PPP4R2: variants seen among roughly 807,000 people sequenced by gnomAD.
PPP4R2 encodes protein phosphatase 4 regulatory subunit 2.
A neutral mutation model predicts 47.2 loss-of-function variants in PPP4R2; 13 were observed. The ratio of observed to expected loss-of-function variants is 0.28; its 90% CI spans 0.18 to 0.44. The LOEUF is 0.44. Among genes scored for constraint, PPP4R2 ranks in the 20% least tolerant of loss-of-function variants. The probability of loss-of-function intolerance (pLI) is 1.00; values close to 1 mark genes in which losing one functional copy is unlikely to be tolerated. For missense variants in PPP4R2, 421 were observed against 491.2 expected (o/e 0.86, Z 1.35); for synonymous variants, 151 against 163.3 (o/e 0.92, Z 0.57).
chr3:73,035,287 C>T, intron 2 of PPP4R2, among the ~76,000 whole-genome samples: 1 of 152,128 alleles, frequency 6.6e-6, no homozygotes, highest in East Asian at 1.9e-4. Flanking sequence ...GTAGTCCCAG[C>T]TACTCGGGAA....
In PPP4R2 at chr3:73,047,339, T is replaced by C. The variant is rs200087084; in HGVS notation, c.270T>C (p.Ile90=). ...AAATGAAGGAAAGAATACTGAAAAT[T>C]GTCACTGGATTTAATGGGTATGCAC... ...FDEMKERILK[I]VTGFNGIPFT... The change falls in exon 3 of 9, where the codon ATT becomes ATC. Residue 90 remains isoleucine, a synonymous_variant. Transcript: ENST00000356692. 6.2e-7 allele frequency: 1 copy of C among 1,609,514 alleles called. No individual in the cohort carries two copies. The highest frequency in any genetic ancestry group is 2.2e-5 in the East Asian group (1 of 44,782).
chr3:73,061,012 T>G lies in PPP4R2; in HGVS notation c.382-11T>G. Reference sequence around the variant, plus strand: ...TTCTTCATACTAAATCACTGATTTTTGTTATTGCAGAATGTGATGGTTGTT... The same window carrying G: ...TTCTTCATACTAAATCACTGATTTTGGTTATTGCAGAATGTGATGGTTGTT... On this transcript the variant is annotated splice_polypyrimidine_tract_variant and intron_variant, in intron 4 of 8. Coordinates refer to ENST00000356692, the MANE Select transcript of PPP4R2 (RefSeq NM_174907.4). The G allele has an allele frequency of 2.6e-6, 4 of 1,550,356 alleles. No individual in the cohort carries two copies. Among genetic ancestry groups the G allele is most frequent in the Non-Finnish European group, 3.5e-6 (4 of 1,144,072 alleles).
At chr3:73,001,727 C>T (rs746276444) in intron 2 of PPP4R2, among the ~76,000 whole-genome samples, 9 of 152,230 alleles carry the variant, frequency 5.9e-5, no homozygotes, top group Non-Finnish European at 1.2e-4. Context: ...CATCCCCCAC[C>T]TCCTGAGTTC....
At position 73,067,480 on chromosome 3, in the gene PPP4R2, A is replaced by G. The variant is rs538029529; in HGVS notation, c.*1758A>G. On this transcript the variant is annotated 3_prime_UTR_variant, in exon 9 of 9. Transcript: ENST00000356692. ...ACAGCTAGATGATATATTTATGACTATGTCTAATAGTTGAAATAAAATCTG... is the reference window on the plus strand; with the variant it reads ...ACAGCTAGATGATATATTTATGACTGTGTCTAATAGTTGAAATAAAATCTG... 13 of 152,282 alleles carry G rather than the reference A, an allele frequency of 8.5e-5. No individual in the cohort carries two copies. The East Asian group carries it at 2.3e-3, about 27-fold the overall frequency. 9.4% of individuals were successfully genotyped at this position (152,282 alleles called of 1,614,324 possible). A position where few individuals can be genotyped will look rare whatever the true frequency, so the allele number is the denominator to read the frequency against.
At chr3:73,048,381 C>A (rs114480962) in intron 3 of PPP4R2, among the ~76,000 whole-genome samples, 1,678 of 152,192 alleles carry the variant, frequency 0.011, 30 homozygotes, top group African/African-American at 0.038. Flanking sequence ...CCCCGGGTAG[C>A]TAGGCTAGGA....
At chr3:73,063,196 C>G in intron 5 of PPP4R2, 1 of 397,500 alleles carries the variant, frequency 2.5e-6, no homozygotes, top group South Asian at 2.9e-5. Flanking sequence ...TGATGTTATA[C>G]CAGGATCAAC....
intron 2 of PPP4R2, among the ~76,000 whole-genome samples, chr3:73,016,670 C>T (rs1195065689): frequency 6.7e-6 from 1 of 149,662 alleles, no homozygotes; most frequent in African/African-American, 2.5e-5. Context: ...TATGAATGTC[C>T]TAGATGTTTT....
intron 2 of PPP4R2, among the ~76,000 whole-genome samples, chr3:73,028,888 G>A (rs1702117936): frequency 6.6e-6 from 1 of 152,194 alleles, no homozygotes; most frequent in Non-Finnish European, 1.5e-5. Flanking sequence ...ATATAATGTA[G>A]GGCAATGTGG....
At chr3:73,046,332 G>A (rs1030977199) in intron 2 of PPP4R2, among the ~76,000 whole-genome samples, 1 of 152,162 alleles carries the variant, frequency 6.6e-6, no homozygotes, top group South Asian at 2.1e-4. Flanking sequence ...ATGGGCTCCC[G>A]TTAATTTGTG....
At position 73,064,033 on chromosome 3, in the gene PPP4R2, G is replaced by C; in HGVS notation, c.525G>C (p.Arg175Ser). 6.8e-6 allele frequency: 11 copies of C among 1,611,518 alleles called. No homozygotes were observed. The highest frequency in any genetic ancestry group is 9.3e-6 in the Non-Finnish European group (11 of 1,179,474). ...RSNINGPGTPRPLNRPKVSLS... is the reference protein window; with the variant it reads ...RSNINGPGTPSPLNRPKVSLS... ...ATATAAATGGGCCTGGGACACCCAG[G>C]CCACTTAATCGACCAAAGGTTTCTT... The change falls in exon 7 of 9, where the codon AGG (arginine) becomes AGC (serine). Residue 175 changes from arginine to serine, a missense_variant. By Grantham distance (110) the Arg-to-Ser change is moderately radical. Coordinates refer to ENST00000356692, the MANE Select transcript of PPP4R2 (RefSeq NM_174907.4).
chr3:73,062,652 A>T (rs1218080251), intron 5 of PPP4R2: 2 of 1,613,962 alleles, frequency 1.2e-6, no homozygotes, highest in Admixed American at 3.3e-5. Context: ...TGACCTTTTG[A>T]TAGGCATTGC....
Position 73,003,787 on chromosome 3 carries a change from C to T in PPP4R2, c.116+5629C>T, listed in dbSNP as rs367852416. Among the ~76,000 whole-genome samples the T allele has an allele frequency of 2.0e-5, 3 of 152,222 alleles. No individual in the cohort carries two copies. In the South Asian group the frequency reaches 6.2e-4, roughly 32 times the overall value. On this transcript the variant is annotated intron_variant, in intron 2 of 8. Coordinates refer to ENST00000356692, the MANE Select transcript of PPP4R2 (RefSeq NM_174907.4). Reference sequence around the variant, plus strand: ...GATCTTGACTCACTACAACCTCCACCTCCTGGGTTCAAGCGATTTTTCTGC... The same window carrying T: ...GATCTTGACTCACTACAACCTCCACTTCCTGGGTTCAAGCGATTTTTCTGC...
At chr3:72,998,708 A>G (rs1011128275) in intron 2 of PPP4R2, among the ~76,000 whole-genome samples, 2 of 152,202 alleles carry the variant, frequency 1.3e-5, no homozygotes, top group Non-Finnish European at 2.9e-5. Flanking sequence ...CTTGTTACAT[A>G]TGCTCAGCAT....
intron 5 of PPP4R2, chr3:73,062,280 A>G (rs938344590): frequency 1.4e-5 from 23 of 1,607,190 alleles, no homozygotes; most frequent in Non-Finnish European, 2.0e-5. Flanking sequence ...CGCAATGGAC[A>G]GGAGTGGGCT....
At chr3:73,050,939 A>T (rs1702599443) in intron 3 of PPP4R2, among the ~76,000 whole-genome samples, 1 of 151,882 alleles carries the variant, frequency 6.6e-6, no homozygotes, top group Admixed American at 6.6e-5. Context: ...CTGGAGACAG[A>T]GTTTCGCTCT....
chr3:73,065,423 A>C lies in PPP4R2; in HGVS notation c.955A>C (p.Ile319Leu), dbSNP rs749228190. 7 of 1,602,788 alleles carry C rather than the reference A, an allele frequency of 4.4e-6. No homozygotes were observed. The South Asian group carries it at 4.5e-5, about 10-fold the overall frequency. ...GTCTTTTATGACATCAAGAGAAATG[A>C]TCCCAGAAAGAAAAAATCAAGAAAA... ...EESFMTSREMIPERKNQEKES... is the reference protein window; with the variant it reads ...EESFMTSREMLPERKNQEKES... The change falls in exon 9 of 9, where the codon ATC (isoleucine) becomes CTC (leucine). Residue 319 changes from isoleucine (I) to leucine (L), a missense_variant. Ile to Leu is a conservative substitution (Grantham distance 5). Coordinates refer to ENST00000356692, the MANE Select transcript of PPP4R2 (RefSeq NM_174907.4).
At chr3:73,000,440 C>G (rs1422596047) in intron 2 of PPP4R2, among the ~76,000 whole-genome samples, 4 of 152,116 alleles carry the variant, frequency 2.6e-5, no homozygotes, top group Admixed American at 1.3e-4. Context: ...AAATCAGTGA[C>G]CCCCCAGGCT....
chr3:73,042,361 C>CTTT lies in PPP4R2; in HGVS notation c.117-4806_117-4804dup, dbSNP rs10709279. On this transcript the variant is annotated intron_variant, in intron 2 of 8. Coordinates refer to ENST00000356692, the MANE Select transcript of PPP4R2 (RefSeq NM_174907.4). ...TGTTTTTTGTGCCTGAATATAATTTCTTTTTTTTTTTTTTTTTTTTTGAGA... is the reference window on the plus strand; with the variant it reads ...TGTTTTTTGTGCCTGAATATAATTTCTTTTTTTTTTTTTTTTTTTTTTTTGAGA... 5.5e-3 allele frequency among the ~76,000 whole-genome samples: 418 copies of CTTT among 75,880 alleles called. 6 individuals carry two copies. The highest frequency in any genetic ancestry group is 0.019 in the African/African-American group (392 of 21,076). The allele number at this position is 75,880 out of a possible 152,430, so 49.8% of individuals were successfully genotyped here. A position where few individuals can be genotyped will look rare whatever the true frequency, so the allele number is the denominator to read the frequency against.
At chr3:73,057,888 T>C (rs776532913) in intron 3 of PPP4R2, among the ~76,000 whole-genome samples, 2 of 152,130 alleles carry the variant, frequency 1.3e-5, no homozygotes, top group Non-Finnish European at 2.9e-5. Context: ...ACACTGCCTA[T>C]AAAAAATGAA....
Sources: allele counts gnomAD v4.1 joint callset (sites outside exome capture counted in the v4.1 genomes callset), GRCh38; gene constraint gnomAD v4.1.1; transcripts MANE v1.5; gene names NCBI Gene and HGNC (gene_info 2026-07-23, HGNC 2026-07-21).